Variants in PRAG1 observed in about 807,000 individuals in gnomAD.
The protein encoded by PRAG1 is inactive tyrosine-protein kinase PRAG1.
PRAG1 carries 110 observed loss-of-function variants against 95.6 expected under a neutral mutation model. The observed-to-expected ratio is 1.15, with a 90% CI of 0.99 to 1.35. The LOEUF (loss-of-function observed/expected upper bound fraction) is 1.35. Ranked by LOEUF, PRAG1 falls within the 40% of genes most tolerant of loss-of-function variation. The pLI is 0.00. For missense variants in PRAG1, 2,554 were observed against 1,864.7 expected, an observed-to-expected ratio of 1.37 and a Z score of -6.81; for synonymous variants, 1,052 against 819.4, an observed-to-expected ratio of 1.28 and a Z score of -4.85.
At chr8:8,372,523 C>T (rs755472178) in intron 3 of PRAG1, among the ~76,000 whole-genome samples, 37 of 152,312 alleles carry the variant, frequency 2.4e-4, no homozygotes, top group Non-Finnish European at 4.4e-4. Flanking sequence ...CTTGCCTTGA[C>T]GGCAACAGGG....
chr8:8,345,863 C>T (rs988864370), intron 3 of PRAG1, among the ~76,000 whole-genome samples: 1 of 152,152 alleles, frequency 6.6e-6, no homozygotes, highest in Non-Finnish European at 1.5e-5. Flanking sequence ...AAAGCATCCG[C>T]CCTGGAAACC....
Position 8,318,911 on chromosome 8 carries a change from T to A in PRAG1, c.3464A>T (p.His1155Leu), listed in dbSNP as rs758208858. Residue 1155 changes from histidine (H) to leucine (L), a missense_variant, in exon 6 of 6, where the codon CAC becomes CTC. Coordinates refer to ENST00000615670, the MANE Select transcript of PRAG1 (RefSeq NM_001080826.3). This position sits in a 1 kb window ranked among gnomAD's most constrained non-coding sequence, Gnocchi z 4.2. ...DLCLENLLLV[H>L]CTLQAGPGPA... Reference sequence around the variant, plus strand: ...CCCGGGGCCGGCCTGGAGGGTGCAGTGCACCAGCAGCAGGTTCTCCAGGCA... The same window carrying A: ...CCCGGGGCCGGCCTGGAGGGTGCAGAGCACCAGCAGCAGGTTCTCCAGGCA... 3.1e-6 allele frequency: 5 copies of A among 1,606,364 alleles called. No homozygotes were observed. Among genetic ancestry groups the A allele is most frequent in the Non-Finnish European group, 4.2e-6 (5 of 1,177,028 alleles).
intron 4 of PRAG1, among the ~76,000 whole-genome samples, chr8:8,339,098 A>AAG (rs376138322): frequency 0.032 from 4,783 of 149,426 alleles, 168 homozygotes; most frequent in African/African-American, 0.085. Flanking sequence ...GTAGATGCAA[A>AAG]AGAGAGAGAG....
intron 3 of PRAG1, among the ~76,000 whole-genome samples, chr8:8,372,744 C>T (rs1313202202): frequency 6.6e-6 from 1 of 152,202 alleles, no homozygotes; most frequent in Non-Finnish European, 1.5e-5. Flanking sequence ...GCCAAACATT[C>T]AAAACAGGAC....
chr8:8,371,339 C>T (rs1028105234), intron 3 of PRAG1, among the ~76,000 whole-genome samples: 11 of 151,728 alleles, frequency 7.2e-5, no homozygotes, highest in Admixed American at 4.6e-4. Flanking sequence ...CGGCTCCCTG[C>T]AAGCTCCGCC....
At position 8,320,585 on chromosome 8, in the gene PRAG1, G is replaced by A. The variant is rs962784241; in HGVS notation, c.3073-1283C>T. Among the ~76,000 whole-genome samples, 7 of 152,156 alleles carry A rather than the reference G, an allele frequency of 4.6e-5. No individual in the cohort carries two copies. The East Asian group carries it at 1.2e-3, about 25-fold the overall frequency. ...GTCCCCTCTCTCAAATGAATATTATGCAACCTCACCCAGGCTTTGTAGAAA... is the reference window on the plus strand; with the variant it reads ...GTCCCCTCTCTCAAATGAATATTATACAACCTCACCCAGGCTTTGTAGAAA... On this transcript the variant is annotated intron_variant, in intron 5 of 5. Coordinates refer to ENST00000615670, the MANE Select transcript of PRAG1 (RefSeq NM_001080826.3).
chr8:8,340,139 T>G (rs1390212036), intron 3 of PRAG1, among the ~76,000 whole-genome samples: 1 of 152,226 alleles, frequency 6.6e-6, no homozygotes, highest in Non-Finnish European at 1.5e-5. Context: ...GTCTAGATTG[T>G]TTCTTGGAAT....
At chr8:8,354,577 G>A (rs755261897) in intron 3 of PRAG1, among the ~76,000 whole-genome samples, 51 of 152,258 alleles carry the variant, frequency 3.3e-4, no homozygotes, top group Non-Finnish European at 4.4e-4. Context: ...AAAAGATTAC[G>A]TAATGTGACC....
At position 8,339,626 on chromosome 8, in the gene PRAG1, T is replaced by A; in HGVS notation, c.2172A>T (p.Leu724=). 1 of 1,611,644 alleles carries A rather than the reference T, an allele frequency of 6.2e-7. No homozygotes were observed. Among genetic ancestry groups the A allele is most frequent in the Non-Finnish European group, 8.5e-7 (1 of 1,177,894 alleles). ...PPPPPKSRHL[L]KMNKSSSDLE... ...AATCAGAGCTGCTCTTGTTCATTTT[T>A]AGAAGGTGCCTGGAAAAGGTAGGAA... Residue 724 remains leucine, a synonymous_variant, in exon 4 of 6, where the codon CTA becomes CTT. Transcript: ENST00000615670.
At chr8:8,327,644 C>A in intron 5 of PRAG1, 66 bp downstream of exon 5, 1 of 1,533,702 alleles carries the variant, frequency 6.5e-7, no homozygotes, top group Non-Finnish European at 8.8e-7. Flanking sequence ...TTGCTCAGGC[C>A]ACAGTTCTGC....
intron 4 of PRAG1, among the ~76,000 whole-genome samples, chr8:8,333,293 C>T (rs2117129733): frequency 6.6e-6 from 1 of 152,296 alleles, no homozygotes; most frequent in East Asian, 1.9e-4. Context: ...AGTTTTCCTT[C>T]GAATTTCCAA....
At chr8:8,361,128 G>A (rs1799831423) in intron 3 of PRAG1, among the ~76,000 whole-genome samples, 2 of 152,124 alleles carry the variant, frequency 1.3e-5, no homozygotes, top group South Asian at 4.2e-4. Context: ...TCAGACTTCG[G>A]ACCTCAGACC....
At chr8:8,383,812 A>G (rs981828299) in intron 1 of PRAG1, among the ~76,000 whole-genome samples, 1 of 152,142 alleles carries the variant, frequency 6.6e-6, no homozygotes, top group Non-Finnish European at 1.5e-5. Flanking sequence ...AAGCGGAGGA[A>G]ATAGCCAGGT....
At chr8:8,337,865 C>T (rs887592629) in intron 4 of PRAG1, among the ~76,000 whole-genome samples, 5 of 152,138 alleles carry the variant, frequency 3.3e-5, no homozygotes, top group Non-Finnish European at 7.3e-5. Flanking sequence ...GAGCCGTGTA[C>T]AATTCAGCCC....
intron 3 of PRAG1, among the ~76,000 whole-genome samples, chr8:8,341,007 A>G (rs1237560973): frequency 6.6e-6 from 1 of 152,248 alleles, no homozygotes; most frequent in Non-Finnish European, 1.5e-5. Context: ...TTCATACAAT[A>G]TTCTTATATC....
intron 3 of PRAG1, among the ~76,000 whole-genome samples, chr8:8,355,411 A>C (rs1179730070): frequency 1.3e-5 from 2 of 152,188 alleles, no homozygotes; most frequent in African/African-American, 4.8e-5. Context: ...TAGAAAAAAC[A>C]ATCCTAAAAT....
At chr8:8,330,781 G>C (rs1159631347) in intron 4 of PRAG1, among the ~76,000 whole-genome samples, 1 of 152,158 alleles carries the variant, frequency 6.6e-6, no homozygotes, top group Non-Finnish European at 1.5e-5. Flanking sequence ...ACAGACGGAG[G>C]CTAGGGCAGA....
chr8:8,364,179 G>C (rs1384457066), intron 3 of PRAG1, among the ~76,000 whole-genome samples: 1 of 152,160 alleles, frequency 6.6e-6, no homozygotes, highest in Non-Finnish European at 1.5e-5. Context: ...TATTTTTGCT[G>C]AAATTTGGAA....
At chr8:8,349,495 G>T (rs577749240) in intron 3 of PRAG1, among the ~76,000 whole-genome samples, 6 of 152,086 alleles carry the variant, frequency 3.9e-5, no homozygotes, top group African/African-American at 1.2e-4. Context: ...TGTTAGCCAG[G>T]ATGGTCTCGA....
Sources: allele counts gnomAD v4.1 joint callset (sites outside exome capture counted in the v4.1 genomes callset), GRCh38; gene constraint gnomAD v4.1.1; non-coding constraint Gnocchi (gnomAD v3.1); transcripts MANE v1.5; gene names NCBI Gene and HGNC (gene_info 2026-07-23, HGNC 2026-07-21).